C1orf105: variants seen among roughly 807,000 people sequenced by gnomAD.
The protein encoded by C1orf105 is chromosome 1 open reading frame 105.
In C1orf105, 17 loss-of-function variants were observed where a neutral mutation model predicts 20.8. That is an observed-to-expected ratio of 0.82 (90% CI 0.56 to 1.23). The LOEUF is 1.23. C1orf105 is among the 50% of genes most tolerant of loss of function. The pLI is 0.00. For synonymous variants in C1orf105, 72 were observed against 72.1 expected (o/e 1.00, Z 0.01); for missense variants, 219 against 213.5 (o/e 1.03, Z -0.16).
At position 172,447,343 on chromosome 1, in the gene C1orf105, A is replaced by G. The variant is rs140261278; in HGVS notation, c.108-1098A>G. Among the ~76,000 whole-genome samples the G allele has an allele frequency of 6.4e-3, 968 of 152,304 alleles. 12 individuals carry two copies. Among genetic ancestry groups the G allele is most frequent in the African/African-American group, 0.023 (938 of 41,554 alleles). The stretch of plus-strand genomic sequence containing the variant: ...TTGGAGGAGGTGAGGCTGGGCTGTA[A>G]TAAGAAGTGCCTGTACTGACCCACT... On this transcript the variant is annotated intron_variant, in intron 2 of 6. Coordinates refer to ENST00000367727, the MANE Select transcript of C1orf105 (RefSeq NM_139240.4).
At chr1:172,465,060 G>A (rs1445910398) in intron 5 of C1orf105, among the ~76,000 whole-genome samples, 1 of 152,050 alleles carries the variant, frequency 6.6e-6, no homozygotes, top group African/African-American at 2.4e-5. Context: ...GTGTGTGCCT[G>A]TAATCCCAAC....
At chr1:172,442,004 T>A (rs1647362753) in intron 1 of C1orf105, 1 of 1,614,076 alleles carries the variant, frequency 6.2e-7, no homozygotes, top group African/African-American at 1.3e-5. Context: ...AAAATCTGAA[T>A]GGCAAATGTC....
chr1:172,443,485 C>A (rs1160631372), intron 1 of C1orf105: 1 of 167,098 alleles, frequency 6.0e-6, no homozygotes, highest in Non-Finnish European at 1.5e-5. Context: ...ATTAGCTGAG[C>A]TTAGCATCCT....
intron 2 of C1orf105, among the ~76,000 whole-genome samples, chr1:172,447,147 G>A (rs1217747926): frequency 6.6e-6 from 1 of 152,134 alleles, no homozygotes; most frequent in East Asian, 1.9e-4. Context: ...TTTATTTTTG[G>A]CAAAGCCCCT....
rs1129942 is a variant in C1orf105 at position 172,468,452 on chromosome 1, G to A, written c.410G>A (p.Ser137Asn). 0.79 allele frequency: 1,278,008 copies of A among 1,608,462 alleles called. 510,662 individuals carry two copies. Among genetic ancestry groups the A allele is most frequent in the East Asian group, 1 (44,813 of 44,854 alleles). ...TCCTTCTTGTACTGTCATCCAGAAA[G>A]CATTCACTACAGACTGCCCATTCTG... is the stretch of plus-strand genomic sequence containing the variant. ...EPFHDDIPTESIHYRLPILGP... is the reference protein window; with the variant it reads ...EPFHDDIPTENIHYRLPILGP... The change falls in exon 7 of 7, where the codon AGC (serine) becomes AAC (asparagine). Residue 137 changes from serine (S) to asparagine (N), a missense_variant. Transcript: ENST00000367727.
intron 4 of C1orf105, among the ~76,000 whole-genome samples, chr1:172,458,279 C>G (rs1003254789): frequency 1.3e-5 from 2 of 152,162 alleles, no homozygotes; most frequent in Non-Finnish European, 2.9e-5. Flanking sequence ...AGAAGTACAA[C>G]TAGTCTATTT....
At chr1:172,462,456 A>G (rs910002168) in intron 5 of C1orf105, among the ~76,000 whole-genome samples, 1 of 152,244 alleles carries the variant, frequency 6.6e-6, no homozygotes, top group Non-Finnish European at 1.5e-5. Context: ...ACTATTGTAG[A>G]AAGTATAATC....
intron 2 of C1orf105, 46 bp downstream of exon 2, chr1:172,445,204 C>T (rs777551670): frequency 1.4e-6 from 2 of 1,450,406 alleles, no homozygotes; most frequent in South Asian, 2.4e-5. Flanking sequence ...AAACATCTCA[C>T]AGAAGATGAT....
At chr1:172,453,250 A>G in intron 3 of C1orf105, 1 of 1,501,798 alleles carries the variant, frequency 6.7e-7, no homozygotes, top group Non-Finnish European at 9.0e-7. Flanking sequence ...GTAAAGGGAC[A>G]GGATTAGAGC....
chr1:172,448,965 C>T (rs1573869883), intron 3 of C1orf105, among the ~76,000 whole-genome samples: 1 of 152,162 alleles, frequency 6.6e-6, no homozygotes, highest in East Asian at 1.9e-4. Flanking sequence ...TGCCAGGTGA[C>T]CCTCGGTGTC....
At chr1:172,437,037 G>A (rs1313363639) in intron 1 of C1orf105, among the ~76,000 whole-genome samples, 5 of 152,166 alleles carry the variant, frequency 3.3e-5, no homozygotes, top group Admixed American at 3.3e-4. Context: ...ATCACAATGA[G>A]ATACCATCTC....
intron 1 of C1orf105, among the ~76,000 whole-genome samples, chr1:172,436,575 T>C (rs1288867245): frequency 6.6e-6 from 1 of 152,154 alleles, no homozygotes; most frequent in Non-Finnish European, 1.5e-5. Flanking sequence ...TCCTTATACC[T>C]TACACAAAAA....
chr1:172,452,285 C>T (rs899184852), intron 3 of C1orf105, among the ~76,000 whole-genome samples: 34 of 152,302 alleles, frequency 2.2e-4, no homozygotes, highest in African/African-American at 7.2e-4. Context: ...ATCTCTTAAC[C>T]TTTCTGGGTC....
intron 1 of C1orf105, among the ~76,000 whole-genome samples, chr1:172,434,655 G>T (rs1204069878): frequency 6.6e-6 from 1 of 152,170 alleles, no homozygotes; most frequent in East Asian, 1.9e-4. Flanking sequence ...AAGCAGGAAA[G>T]ATCTAAAATC....
At chr1:172,454,278 C>T (rs1230441771) in intron 3 of C1orf105, among the ~76,000 whole-genome samples, 2 of 151,806 alleles carry the variant, frequency 1.3e-5, no homozygotes, top group African/African-American at 4.8e-5. Context: ...CTGATTTCTC[C>T]AATCAGAAGT....
intron 4 of C1orf105, among the ~76,000 whole-genome samples, chr1:172,459,532 A>T (rs1649546279): frequency 6.6e-6 from 1 of 152,148 alleles, no homozygotes; most frequent in Non-Finnish European, 1.5e-5. Context: ...TAATAATAAT[A>T]ATAAAACGGT....
intron 5 of C1orf105, among the ~76,000 whole-genome samples, chr1:172,464,621 G>T (rs374082829): frequency 2.0e-5 from 3 of 146,900 alleles, no homozygotes; most frequent in East Asian, 4.1e-4. Context: ...TTTAAAGGTA[G>T]ATTATTGATC....
intron 4 of C1orf105, 74 bp from the exon 5 acceptor site, chr1:172,462,104 C>A: frequency 1.8e-6 from 2 of 1,114,160 alleles, no homozygotes; most frequent in Non-Finnish European, 2.7e-6. Flanking sequence ...CACAAATTCA[C>A]TAAAGTGGTA....
chr1:172,421,163 T>G (rs1254780367), intron 1 of C1orf105, among the ~76,000 whole-genome samples: 1 of 152,098 alleles, frequency 6.6e-6, no homozygotes, highest in Non-Finnish European at 1.5e-5. Flanking sequence ...TGCCAACATC[T>G]TTTATAACTC....
Sources: allele counts gnomAD v4.1 joint callset (sites outside exome capture counted in the v4.1 genomes callset), GRCh38; gene constraint gnomAD v4.1.1; transcripts MANE v1.5; gene names NCBI Gene and HGNC (gene_info 2026-07-23, HGNC 2026-07-21).